The following INTS4 variants were observed in gnomAD, a reference collection of about 807,000 sequenced individuals.
INTS4 encodes the protein integrator complex subunit 4, also known as MSTP093.
In INTS4, 70 loss-of-function variants were observed where a neutral mutation model predicts 119.5. The observed-to-expected ratio is 0.59, with a 90% CI of 0.48 to 0.71. INTS4 has a LOEUF of 0.71. Among genes scored for constraint, INTS4 ranks in the 30% least tolerant of loss-of-function variants. The probability of loss-of-function intolerance (pLI) is 0.00; values close to 1 mark genes in which losing one functional copy is unlikely to be tolerated. For missense variants in INTS4, 867 were observed against 1,173.2 expected, an observed-to-expected ratio of 0.74 and a Z score of 3.81; for synonymous variants, 316 against 419.6, an observed-to-expected ratio of 0.75 and a Z score of 3.02.
intron 8 of INTS4, among the ~76,000 whole-genome samples, chr11:77,947,715 C>T (rs1391216206): frequency 6.6e-6 from 1 of 152,118 alleles, no homozygotes; most frequent in East Asian, 1.9e-4. Flanking sequence ...CTAAGGAACA[C>T]ATAACAGATG....
chr11:77,903,282 G>A (rs998005561), intron 17 of INTS4, among the ~76,000 whole-genome samples: 2 of 152,268 alleles, frequency 1.3e-5, no homozygotes, highest in African/African-American at 4.8e-5. Flanking sequence ...TAGAGCTACA[G>A]GAAGGCCTCT....
chr11:77,894,399 G>A (rs968730430), intron 18 of INTS4, 50 bp from the exon 19 acceptor site: 4 of 1,014,414 alleles, frequency 3.9e-6, no homozygotes, highest in Non-Finnish European at 6.0e-6. Flanking sequence ...TGCAAACTGA[G>A]GAGGACCAAA....
intron 12 of INTS4, 56 bp from the exon 13 acceptor site, chr11:77,922,527 A>G (rs945664187): frequency 4.0e-5 from 29 of 728,668 alleles, no homozygotes; most frequent in Non-Finnish European, 6.6e-5. Context: ...AGTCCTTTGA[A>G]AAGTACTAGG....
At chr11:77,915,941 T>C (rs533446650) in intron 15 of INTS4, among the ~76,000 whole-genome samples, 7 of 152,296 alleles carry the variant, frequency 4.6e-5, no homozygotes, top group South Asian at 2.1e-4. Context: ...AGCAGCTTTA[T>C]TGGTAGCATC....
chr11:77,943,681 T>G (rs561236088), intron 8 of INTS4, among the ~76,000 whole-genome samples: 17 of 152,354 alleles, frequency 1.1e-4, no homozygotes, highest in South Asian at 2.1e-4. Flanking sequence ...CTAGCACTAC[T>G]TAACAACCTA....
At chr11:77,932,124 A>G (rs1746499457) in intron 10 of INTS4, among the ~76,000 whole-genome samples, 2 of 152,238 alleles carry the variant, frequency 1.3e-5, no homozygotes, top group South Asian at 4.1e-4. Flanking sequence ...CTGCACAGCA[A>G]AAGAAACTAT....
intron 16 of INTS4, among the ~76,000 whole-genome samples, chr11:77,904,836 T>C (rs780821649): frequency 6.6e-6 from 1 of 152,188 alleles, no homozygotes; most frequent in Non-Finnish European, 1.5e-5. Flanking sequence ...GATAGTTGCA[T>C]CATGTTAGTT....
chr11:77,986,809 G>A (rs539220151), intron 2 of INTS4, among the ~76,000 whole-genome samples: 108 of 151,650 alleles, frequency 7.1e-4, no homozygotes, highest in African/African-American at 2.4e-3. Flanking sequence ...GACACAGGGC[G>A]GGAAACATCA....
chr11:77,891,235 A>T (rs1325947724), intron 21 of INTS4, 84 bp downstream of exon 21: 1 of 1,327,990 alleles, frequency 7.5e-7, no homozygotes, highest in African/African-American at 1.5e-5. Context: ...CTGTCCCTCA[A>T]GTAGAGACTA....
chr11:77,963,865 T>C (rs776178996), intron 4 of INTS4, among the ~76,000 whole-genome samples: 3 of 152,182 alleles, frequency 2.0e-5, no homozygotes, highest in Non-Finnish European at 4.4e-5. Context: ...TTAAAATTTT[T>C]GTAGAGATGG....
intron 10 of INTS4, among the ~76,000 whole-genome samples, chr11:77,929,812 T>C (rs1456442493): frequency 6.6e-6 from 1 of 152,186 alleles, no homozygotes; most frequent in African/African-American, 2.4e-5. Flanking sequence ...GAGATAATAC[T>C]CATTTCCTTA....
intron 8 of INTS4, among the ~76,000 whole-genome samples, chr11:77,952,129 T>C (rs147931987): frequency 2.6e-5 from 4 of 152,340 alleles, no homozygotes; most frequent in East Asian, 1.9e-4. Flanking sequence ...TAATGAAAGA[T>C]TGTACACAAA....
At chr11:77,969,385 G>C (rs1449009425) in intron 4 of INTS4, among the ~76,000 whole-genome samples, 1 of 151,526 alleles carries the variant, frequency 6.6e-6, no homozygotes, top group African/African-American at 2.4e-5. Flanking sequence ...ATGTATTTAT[G>C]AATGAATGAA....
intron 15 of INTS4, chr11:77,917,979 T>G (rs1279493222): frequency 8.7e-6 from 6 of 688,224 alleles, no homozygotes; most frequent in Non-Finnish European, 1.6e-5. Flanking sequence ...AAAATTAGAG[T>G]GTACAACTTT....
At chr11:77,993,295 G>A (rs541316463) in intron 1 of INTS4, among the ~76,000 whole-genome samples, 29 of 152,234 alleles carry the variant, frequency 1.9e-4, no homozygotes, top group Non-Finnish European at 3.8e-4. Flanking sequence ...TACAGAAACA[G>A]GTGAAGAAGA....
intron 7 of INTS4, among the ~76,000 whole-genome samples, chr11:77,957,825 T>C (rs951847935): frequency 1.3e-5 from 2 of 151,730 alleles, no homozygotes; most frequent in Non-Finnish European, 2.9e-5. Flanking sequence ...TGTGCCACCA[T>C]GTCCGGCTAA....
intron 10 of INTS4, among the ~76,000 whole-genome samples, chr11:77,934,010 G>GA (rs1565255488): frequency 6.6e-6 from 1 of 151,060 alleles, no homozygotes; most frequent in African/African-American, 2.4e-5. Context: ...TGTGTAGAGG[G>GA]AAGTGGACTT....
chr11:77,980,502 C>G (rs1290154264), intron 3 of INTS4, among the ~76,000 whole-genome samples: 1 of 152,126 alleles, frequency 6.6e-6, no homozygotes, highest in African/African-American at 2.4e-5. Flanking sequence ...ATTTTAGCCT[C>G]CCAAGCAGCT....
intron 4 of INTS4, among the ~76,000 whole-genome samples, chr11:77,964,223 G>A (rs1453683143): frequency 3.3e-5 from 5 of 152,090 alleles, no homozygotes; most frequent in South Asian, 2.1e-4. Context: ...CCAAAAGCAC[G>A]ACTTTCTTCC....
Sources: allele counts gnomAD v4.1 joint callset (sites outside exome capture counted in the v4.1 genomes callset), GRCh38; gene constraint gnomAD v4.1.1; transcripts MANE v1.5; gene names NCBI Gene and HGNC (gene_info 2026-07-23, HGNC 2026-07-21).